Variants in PHKA2 observed in about 807,000 individuals in gnomAD.
PHKA2 encodes phosphorylase kinase regulatory subunit alpha 2.
Under a neutral mutation model 102.0 loss-of-function variants are expected in PHKA2, and 31 were observed. The observed-to-expected ratio is 0.30, with a 90% CI of 0.23 to 0.41. PHKA2 has a LOEUF of 0.41. PHKA2 is among the 10% of genes least tolerant of loss of function. The pLI, the probability that PHKA2 is intolerant of heterozygous loss-of-function variation, is 1.00. For missense variants in PHKA2, 858 were observed against 1,023.1 expected (o/e 0.84, Z 2.20); for synonymous variants, 455 against 416.2 (o/e 1.09, Z -1.13).
chrX:18,948,194 C>A (rs1393646695), intron 5 of PHKA2, among the ~76,000 whole-genome samples: 1 of 112,211 alleles, frequency 8.9e-6, no homozygotes, highest in East Asian at 2.8e-4. Flanking sequence ...GCATAATGGG[C>A]CAGGAGTGGT....
intron 1 of PHKA2, among the ~76,000 whole-genome samples, chrX:18,966,454 C>T (rs1183291392): frequency 9.0e-6 from 1 of 111,630 alleles, no homozygotes; most frequent in African/African-American, 3.3e-5. Context: ...TTGATCCCTG[C>T]AAAGCTTGAA....
intron 7 of PHKA2, 98 bp from the exon 8 acceptor site, chrX:18,941,773 G>A (rs150072185): frequency 5.4e-5 from 34 of 630,603 alleles, no homozygotes; most frequent in Non-Finnish European, 7.5e-5. Context: ...ATTCGAATAC[G>A]GTTGCCAATT....
chrX:18,936,072 C>A lies in PHKA2; in HGVS notation c.1120G>T (p.Ala374Ser). The A allele has an allele frequency of 8.3e-7, 1 of 1,204,075 alleles. No individual in the cohort carries two copies. The highest frequency in any genetic ancestry group is 1.1e-6 in the Non-Finnish European group (1 of 888,737). The change falls in exon 11 of 33, where the codon GCT (alanine) becomes TCT (serine). Residue 374 changes from alanine to serine, a missense_variant. Physicochemically the swap from Ala to Ser is moderately conservative, Grantham distance 99. This residue lies in a region of PHKA2 where 671 missense variants were observed against 745.2 expected (regional missense o/e 0.90). Coordinates refer to ENST00000379942, the MANE Select transcript of PHKA2 (RefSeq NM_000292.3). ...NGIRLVPELY[A>S]VPPNKVDEEY... ...TGGGTTACCTTGTTAGGCGGGACAG[C>A]GTAGAGTTCAGGCACCAGGCGGATC... is the stretch of plus-strand genomic sequence containing the variant.
chrX:18,944,011 C>T (rs952039408), intron 6 of PHKA2, among the ~76,000 whole-genome samples: 4 of 109,609 alleles, frequency 3.6e-5, no homozygotes, highest in African/African-American at 1.0e-4. Flanking sequence ...GACAGGGTCT[C>T]GCCATTTTGC....
At chrX:18,936,952 CAACTG>C (rs1050250687) in intron 10 of PHKA2, among the ~76,000 whole-genome samples, 12 of 112,271 alleles carry the variant, frequency 1.1e-4, no homozygotes, top group Non-Finnish European at 2.1e-4. Flanking sequence ...AGCCTATTCA[CAACTG>C]AAATTCTAAG....
rs2048490920 is a variant in PHKA2, at chrX:18,941,691, A to G, written c.718-16T>C. On this transcript the variant is annotated splice_polypyrimidine_tract_variant and intron_variant, in intron 7 of 32. Coordinates refer to ENST00000379942, the MANE Select transcript of PHKA2 (RefSeq NM_000292.3). ...ACAGAATAGACTGAATGAAAAACAAAGAGGTGGTTTAACCTGGAGATGCGC... is the reference window on the plus strand; with the variant it reads ...ACAGAATAGACTGAATGAAAAACAAGGAGGTGGTTTAACCTGGAGATGCGC... 3.5e-6 allele frequency: 4 copies of G among 1,138,025 alleles called. No individual in the cohort carries two copies. In the East Asian group the frequency reaches 1.2e-4, roughly 34 times the overall value. 93.8% of individuals were successfully genotyped at this position (1,138,025 alleles called of 1,213,427 possible).
intron 7 of PHKA2, among the ~76,000 whole-genome samples, chrX:18,942,847 TAA>T (rs78129657): frequency 5.5e-4 from 47 of 85,614 alleles, no homozygotes; most frequent in Admixed American, 5.2e-4. Context: ...GACCTCCTCT[TAA>T]AAAAAAAAAA....
At chrX:18,951,912 G>C (rs1272534049) in intron 3 of PHKA2, among the ~76,000 whole-genome samples, 1 of 109,306 alleles carries the variant, frequency 9.1e-6, no homozygotes, top group Non-Finnish European at 1.9e-5. Context: ...TCTAGACGTG[G>C]CTTTTAAAAA....
At chrX:18,905,706 G>A in intron 26 of PHKA2, 52 bp downstream of exon 26, 1 of 797,466 alleles carries the variant, frequency 1.3e-6, no homozygotes, top group Non-Finnish European at 1.9e-6. Flanking sequence ...AATGTCTGCT[G>A]CATGTAAAGG....
intron 4 of PHKA2, among the ~76,000 whole-genome samples, chrX:18,950,270 G>A (rs1489185803): frequency 6.2e-5 from 7 of 112,144 alleles, no homozygotes; most frequent in Admixed American, 9.3e-5. Flanking sequence ...ATTTGGAAAA[G>A]TGAGGGTGTG....
intron 7 of PHKA2, among the ~76,000 whole-genome samples, chrX:18,941,908 C>T (rs1011463720): frequency 3.5e-5 from 4 of 112,786 alleles, no homozygotes; most frequent in Non-Finnish European, 1.9e-5. Flanking sequence ...CTGAAGCCCA[C>T]GCTAAGAACT....
At chrX:18,945,291 A>G in intron 5 of PHKA2, 133 bp from the exon 6 acceptor site, 1 of 461,136 alleles carries the variant, frequency 2.2e-6, no homozygotes, top group Non-Finnish European at 3.9e-6. Context: ...TTGTAGACTC[A>G]TACTGTGCTC....
chrX:18,907,732 C>T (rs768913475), intron 22 of PHKA2, among the ~76,000 whole-genome samples, 168 bp downstream of exon 22: 4 of 111,934 alleles, frequency 3.6e-5, no homozygotes, highest in African/African-American at 1.3e-4. Context: ...TCCCTCTGCT[C>T]GCCTTCCTGG....
intron 1 of PHKA2, among the ~76,000 whole-genome samples, chrX:18,966,118 T>C (rs758095296): frequency 2.9e-5 from 3 of 102,141 alleles, no homozygotes. Flanking sequence ...GATGGAGTCT[T>C]GCTCTGTCAC....
chrX:18,953,847 G>A (rs2048735334), intron 2 of PHKA2, among the ~76,000 whole-genome samples: 1 of 110,698 alleles, frequency 9.0e-6, no homozygotes, highest in African/African-American at 3.3e-5. Context: ...TTAGCTGCGC[G>A]TGGTGGCAGT....
At position 18,894,432 on chromosome X, in the gene PHKA2, C is replaced by A. The variant is rs1039676067; in HGVS notation, c.3337-28G>T. 11 of 1,135,117 alleles carry A rather than the reference C, an allele frequency of 9.7e-6. No individual in the cohort carries two copies. The South Asian group carries it at 2.0e-4, about 21-fold the overall frequency. 93.5% of individuals were successfully genotyped at this position (1,135,117 alleles called of 1,213,427 possible). The stretch of plus-strand genomic sequence containing the variant: ...ACCAAAGGGACAGGCAGGCAACCAC[C>A]AGTGAGAGGACAGATGCAGCCCTAT... On this transcript the variant is annotated intron_variant, in intron 31 of 32. Coordinates refer to ENST00000379942, the MANE Select transcript of PHKA2 (RefSeq NM_000292.3).
chrX:18,978,700 G>A (rs752298636), intron 1 of PHKA2, among the ~76,000 whole-genome samples: 12 of 110,480 alleles, frequency 1.1e-4, no homozygotes, highest in African/African-American at 3.0e-4. Flanking sequence ...GTGACAGAGC[G>A]AGACTCTGTC....
At chrX:18,905,340 A>AT (rs1269371529) in intron 26 of PHKA2, among the ~76,000 whole-genome samples, 2 of 110,729 alleles carry the variant, frequency 1.8e-5, no homozygotes, top group South Asian at 3.9e-4. Context: ...CGCCTGACTA[A>AT]TTTTTTTTGT....
chrX:18,980,114 T>A (rs771436501), intron 1 of PHKA2, among the ~76,000 whole-genome samples: 1 of 112,940 alleles, frequency 8.9e-6, no homozygotes, highest in African/African-American at 3.2e-5. Flanking sequence ...ACAGGCAGTA[T>A]GCTTGGTAAA....
Sources: gnomAD v4.1 joint callset for allele counts (sites outside exome capture counted in the v4.1 genomes callset) on GRCh38, gnomAD v4.1.1 for gene constraint, gnomAD v4.1.1 regional missense constraint, MANE v1.5 for transcripts, NCBI Gene and HGNC (gene_info 2026-07-23, HGNC 2026-07-21) for gene names.